The following PARN variants were observed in gnomAD, a reference collection of about 807,000 sequenced individuals.
PARN encodes the protein poly(A)-specific ribonuclease, also known as poly(A)-specific ribonuclease PARN.
A neutral mutation model predicts 102.8 loss-of-function variants in PARN; 71 were observed. The ratio of observed to expected loss-of-function variants is 0.69; its 90% CI spans 0.57 to 0.84. The LOEUF is 0.84. PARN is among the 40% of genes least tolerant of loss of function. The pLI is 0.00. For synonymous variants in PARN, 261 were observed against 252.9 expected (o/e 1.03, Z -0.30); for missense variants, 782 against 760.9 (o/e 1.03, Z -0.33).
At chr16:14,528,612 G>C (rs929070577) in intron 21 of PARN, among the ~76,000 whole-genome samples, 4 of 152,142 alleles carry the variant, frequency 2.6e-5, no homozygotes, top group African/African-American at 9.7e-5. Flanking sequence ...TTTCTGAATA[G>C]ACTGATGTGG....
At chr16:14,487,570 ATTTTATT>A (rs1421095023) in intron 21 of PARN, among the ~76,000 whole-genome samples, 1 of 152,220 alleles carries the variant, frequency 6.6e-6, no homozygotes, top group Non-Finnish European at 1.5e-5. Flanking sequence ...CCAACATTTT[ATTTTATT>A]TTTTAAACAA....
chr16:14,551,908 G>T lies in PARN; in HGVS notation c.1480+113C>A, dbSNP rs1202757289. 4.9e-6 allele frequency: 3 copies of T among 618,442 alleles called. No homozygotes were observed. In the African/African-American group the frequency reaches 5.5e-5, roughly 11 times the overall value. 38.3% of individuals were successfully genotyped at this position (618,442 alleles called of 1,614,324 possible). On this transcript the variant is annotated intron_variant, in intron 21 of 23. Coordinates refer to ENST00000437198, the MANE Select transcript of PARN (RefSeq NM_002582.4). ...TTCAGAGACAATCTCAAAAACAAAC[G>T]AGGCAGCAATGAGTGTAAGCTGACT...
intron 22 of PARN, among the ~76,000 whole-genome samples, chr16:14,473,416 C>A (rs760861415): frequency 6.6e-6 from 1 of 152,166 alleles, no homozygotes; most frequent in Non-Finnish European, 1.5e-5. Flanking sequence ...GCTGTGGCGG[C>A]TAGACTAGGT....
intron 22 of PARN, among the ~76,000 whole-genome samples, chr16:14,460,782 A>C (rs1391238477): frequency 6.6e-6 from 1 of 152,250 alleles, no homozygotes; most frequent in Non-Finnish European, 1.5e-5. Flanking sequence ...ACTAAATAAC[A>C]AATAAGAGAC....
intron 21 of PARN, among the ~76,000 whole-genome samples, chr16:14,485,968 G>A (rs62037463): frequency 0.067 from 10,225 of 152,284 alleles, 487 homozygotes; most frequent in Admixed American, 0.13. Context: ...GATTATGGGC[G>A]TGAGCCACCG....
At chr16:14,562,620 C>G (rs1968143794) in intron 18 of PARN, among the ~76,000 whole-genome samples, 1 of 150,784 alleles carries the variant, frequency 6.6e-6, no homozygotes, top group African/African-American at 2.4e-5. Flanking sequence ...TTACTGCTGA[C>G]AGCTACCACT....
chr16:14,474,639 G>A (rs1330545975), intron 22 of PARN, among the ~76,000 whole-genome samples: 1 of 152,220 alleles, frequency 6.6e-6, no homozygotes, highest in Non-Finnish European at 1.5e-5. Context: ...CTGGGCTCTT[G>A]ATGGGTATTT....
intron 12 of PARN, among the ~76,000 whole-genome samples, chr16:14,595,368 A>G (rs1970440006): frequency 6.6e-6 from 1 of 152,050 alleles, no homozygotes; most frequent in Admixed American, 6.6e-5. Context: ...AAACACACAC[A>G]CACTTATTTA....
At chr16:14,466,399 G>A (rs1004260125) in intron 22 of PARN, among the ~76,000 whole-genome samples, 2 of 152,090 alleles carry the variant, frequency 1.3e-5, no homozygotes, top group African/African-American at 4.8e-5. Flanking sequence ...TCACTACTGC[G>A]ATGTTAAGTC....
chr16:14,435,896 TCACA>T lies in PARN; in HGVS notation c.*817_*820del, dbSNP rs71373026. 10,355 of 131,024 alleles carry T rather than the reference TCACA, an allele frequency of 0.079. 573 individuals are homozygous for T. Among genetic ancestry groups the T allele is most frequent in the African/African-American group, 0.16 (5,455 of 33,864 alleles). 8.1% of individuals were successfully genotyped at this position (131,024 alleles called of 1,614,324 possible). A position where few individuals can be genotyped will look rare whatever the true frequency, so the allele number is the denominator to read the frequency against. On this transcript the variant is annotated 3_prime_UTR_variant, in exon 24 of 24. Transcript: ENST00000437198. ...GGACATGTTGTAGATTTGCACGATT[TCACA>T]CACACACACACACACACACACACAC...
chr16:14,586,278 A>G (rs936241039), intron 14 of PARN, 40 bp downstream of exon 14: 16 of 1,358,750 alleles, frequency 1.2e-5, no homozygotes, highest in African/African-American at 1.4e-5. Flanking sequence ...TGCCCAGCCA[A>G]CTTTTTTAAA....
chr16:14,530,657 T>C (rs947446969), intron 21 of PARN, among the ~76,000 whole-genome samples: 1 of 151,856 alleles, frequency 6.6e-6, no homozygotes, highest in Non-Finnish European at 1.5e-5. Flanking sequence ...AGTGAGGGAG[T>C]GCAACCCTCA....
intron 13 of PARN, among the ~76,000 whole-genome samples, chr16:14,590,634 C>CAAA (rs966183881): frequency 3.1e-5 from 2 of 63,550 alleles, no homozygotes; most frequent in Non-Finnish European, 3.2e-5. Context: ...GATTCAGTCT[C>CAAA]AAAAAAAAAA....
intron 21 of PARN, among the ~76,000 whole-genome samples, 181 bp downstream of exon 21, chr16:14,551,840 A>G (rs1967322696): frequency 6.6e-6 from 1 of 152,188 alleles, no homozygotes; most frequent in African/African-American, 2.4e-5. Flanking sequence ...GATTTGTCTT[A>G]TTTTCTCATC....
At chr16:14,567,927 A>T (rs1366607101) in intron 18 of PARN, among the ~76,000 whole-genome samples, 1 of 152,234 alleles carries the variant, frequency 6.6e-6, no homozygotes, top group Non-Finnish European at 1.5e-5. Context: ...AGACAGTTAT[A>T]AAGTGTTTTC....
intron 18 of PARN, chr16:14,558,549 G>A (rs755364452): frequency 5.4e-5 from 8 of 149,178 alleles, no homozygotes; most frequent in African/African-American, 2.0e-4. Flanking sequence ...TAACTGAGAA[G>A]AACAAAAGTT....
intron 21 of PARN, among the ~76,000 whole-genome samples, chr16:14,510,291 G>A (rs1211725842): frequency 6.6e-6 from 1 of 152,222 alleles, no homozygotes; most frequent in Admixed American, 6.5e-5. Flanking sequence ...GAAAAACTGA[G>A]TAAAGCTACA....
rs145121657 is a variant in PARN at position 14,518,443 on chromosome 16, A to C, written c.1480+33578T>G. On this transcript the variant is annotated intron_variant, in intron 21 of 23. Transcript: ENST00000437198. ...TAATTTATGTGTTAAAATTTAAAAA[A>C]AAAAATTCAGATTGGCTAGCAAAGC... Among the ~76,000 whole-genome samples the C allele has an allele frequency of 5.9e-5, 9 of 152,288 alleles. No individual in the cohort carries two copies. The East Asian group carries it at 1.7e-3, about 29-fold the overall frequency.
chr16:14,615,210 GTCCTGACTA>G, intron 6 of PARN, among the ~76,000 whole-genome samples: 2 of 151,898 alleles, frequency 1.3e-5, no homozygotes, highest in East Asian at 3.9e-4. Context: ...TGACCTGGGA[GTCCTGACTA>G]TCGTGACTAA....
Sources: gnomAD v4.1 joint callset for allele counts (sites outside exome capture counted in the v4.1 genomes callset) on GRCh38, gnomAD v4.1.1 for gene constraint, MANE v1.5 for transcripts, NCBI Gene and HGNC (gene_info 2026-07-23, HGNC 2026-07-21) for gene names.